Variants in DCC observed in about 807,000 individuals in gnomAD.
DCC encodes netrin receptor DCC.
DCC carries 58 observed loss-of-function variants against 172.5 expected under a neutral mutation model. That is an observed-to-expected ratio of 0.34 (90% confidence interval 0.27 to 0.42). The LOEUF is 0.42. DCC is among the 10% of genes least tolerant of loss of function. The pLI is 1.00. For missense variants in DCC, 1,740 were observed against 1,791.0 expected, an observed-to-expected ratio of 0.97 and a Z score of 0.51; for synonymous variants, 709 against 644.5, an observed-to-expected ratio of 1.10 and a Z score of -1.52.
chr18:52,597,008 G>A (rs963899798), intron 1 of DCC, among the ~76,000 whole-genome samples: 4 of 152,080 alleles, frequency 2.6e-5, no homozygotes, highest in African/African-American at 9.7e-5. Flanking sequence ...TTGCATAGGG[G>A]CTTTGTGATT....
chr18:53,349,976 G>A (rs2057770271), intron 15 of DCC, among the ~76,000 whole-genome samples: 1 of 152,056 alleles, frequency 6.6e-6, no homozygotes, highest in Admixed American at 6.6e-5. Flanking sequence ...TTTGGCTTAG[G>A]CAGTTAAATA....
chr18:52,796,363 C>T (rs1243423047), intron 2 of DCC, among the ~76,000 whole-genome samples: 1 of 152,066 alleles, frequency 6.6e-6, no homozygotes, highest in East Asian at 1.9e-4. Flanking sequence ...AGAATGGTAA[C>T]ACTTGATTCC....
At chr18:53,012,717 T>C (rs1168190260) in intron 5 of DCC, among the ~76,000 whole-genome samples, 1 of 152,090 alleles carries the variant, frequency 6.6e-6, no homozygotes, top group Non-Finnish European at 1.5e-5. Flanking sequence ...TGTTACTTAA[T>C]TAAAATTAGA....
intron 1 of DCC, among the ~76,000 whole-genome samples, chr18:52,673,527 C>T (rs559030594): frequency 2.0e-5 from 3 of 152,234 alleles, no homozygotes; most frequent in Admixed American, 6.5e-5. Context: ...ACATGATAGT[C>T]GCATGGTTTG....
At chr18:53,149,217 A>G (rs1451379143) in intron 7 of DCC, among the ~76,000 whole-genome samples, 1 of 152,240 alleles carries the variant, frequency 6.6e-6, no homozygotes, top group Non-Finnish European at 1.5e-5. Context: ...AAGAAACTGG[A>G]CGAGCAGAAA....
At chr18:52,767,477 G>T (rs371101186) in intron 2 of DCC, among the ~76,000 whole-genome samples, 1 of 151,938 alleles carries the variant, frequency 6.6e-6, no homozygotes, top group Non-Finnish European at 1.5e-5. Context: ...AAAATAATGG[G>T]GTCAAGAGAC....
chr18:53,284,752 T>C (rs1377004596), intron 12 of DCC, among the ~76,000 whole-genome samples: 1 of 151,888 alleles, frequency 6.6e-6, no homozygotes, highest in East Asian at 1.9e-4. Context: ...GACAGGAAAA[T>C]GCGGGAAAAT....
At chr18:52,737,703 A>G (rs902854127) in intron 1 of DCC, among the ~76,000 whole-genome samples, 1 of 152,124 alleles carries the variant, frequency 6.6e-6, no homozygotes, top group Non-Finnish European at 1.5e-5. Flanking sequence ...GGACTAGAGG[A>G]CTGTTGGAGA....
chr18:53,026,991 T>G (rs2041963301), intron 5 of DCC, among the ~76,000 whole-genome samples: 1 of 152,178 alleles, frequency 6.6e-6, no homozygotes, highest in Admixed American at 6.6e-5. Context: ...CATCACAGAT[T>G]ATCCAAAAAA....
At chr18:52,914,492 G>A (rs942871371) in intron 3 of DCC, among the ~76,000 whole-genome samples, 1 of 152,164 alleles carries the variant, frequency 6.6e-6, no homozygotes, top group Non-Finnish European at 1.5e-5. Context: ...TAGAATCCTA[G>A]AGTGGTGAAT....
chr18:52,482,274 C>T (rs1001305880), intron 1 of DCC, among the ~76,000 whole-genome samples: 9 of 152,106 alleles, frequency 5.9e-5, no homozygotes, highest in Non-Finnish European at 1.0e-4. Context: ...TTTACTTTTT[C>T]ATTCTAAATT....
At chr18:52,502,857 G>A (rs1481844357) in intron 1 of DCC, among the ~76,000 whole-genome samples, 1 of 152,192 alleles carries the variant, frequency 6.6e-6, no homozygotes, top group East Asian at 1.9e-4. Context: ...CATCGTGGGA[G>A]AATTTCCAAA....
rs376067075 is a variant in DCC at position 52,595,437 on chromosome 18, A to C, written c.92-156617A>C. 6.6e-5 allele frequency among the ~76,000 whole-genome samples: 10 copies of C among 152,272 alleles called. 2 individuals carry two copies. In the East Asian group the frequency reaches 1.9e-3, roughly 29 times the overall value. ...GATCTATATTAACAGCATCAAACCA[A>C]ATTATTTTCTCTATTCCAGATATTA... On this transcript the variant is annotated intron_variant, in intron 1 of 28. Transcript: ENST00000442544.
At chr18:52,415,809 C>T (rs1987003631) in intron 1 of DCC, among the ~76,000 whole-genome samples, 1 of 152,100 alleles carries the variant, frequency 6.6e-6, no homozygotes, top group Non-Finnish European at 1.5e-5. Context: ...TTTTGTTGAT[C>T]CTTTCAAAAA....
intron 5 of DCC, among the ~76,000 whole-genome samples, chr18:52,986,565 A>G (rs2041296032): frequency 1.3e-5 from 2 of 152,166 alleles, no homozygotes; most frequent in Non-Finnish European, 1.5e-5. Context: ...TATCTATCCA[A>G]AAAGCTGCTC....
At chr18:52,973,018 AT>A (rs1301496648) in intron 5 of DCC, among the ~76,000 whole-genome samples, 21 of 152,222 alleles carry the variant, frequency 1.4e-4, no homozygotes, top group African/African-American at 4.6e-4. Flanking sequence ...AACAGGAAAG[AT>A]TCAATATTCA....
At chr18:52,921,153 T>C (rs968751208) in intron 3 of DCC, among the ~76,000 whole-genome samples, 2 of 138,326 alleles carry the variant, frequency 1.4e-5, no homozygotes, top group African/African-American at 5.3e-5. Flanking sequence ...GTAAAGGGTG[T>C]AAATAATGTC....
intron 21 of DCC, among the ~76,000 whole-genome samples, chr18:53,421,950 GA>G (rs1033689350): frequency 1.2e-4 from 18 of 152,248 alleles, no homozygotes; most frequent in Middle Eastern, 3.4e-3. Context: ...TACAGATGTA[GA>G]AAAAGAGACA....
chr18:52,652,740 G>GT (rs1568276051), intron 1 of DCC, among the ~76,000 whole-genome samples: 1,646 of 151,418 alleles, frequency 0.011, 27 homozygotes, highest in African/African-American at 0.032. Flanking sequence ...GTGTGTGTGT[G>GT]GGTGGAGGAG....
Sources: gnomAD v4.1 joint callset for allele counts (sites outside exome capture counted in the v4.1 genomes callset) on GRCh38, gnomAD v4.1.1 for gene constraint, MANE v1.5 for transcripts, NCBI Gene and HGNC (gene_info 2026-07-23, HGNC 2026-07-21) for gene names.